The following RAP1GDS1 variants were observed in gnomAD, a reference collection of about 807,000 sequenced individuals.
RAP1GDS1 encodes RAP1, GTP-GDP dissociation stimulator 1.
RAP1GDS1 carries 35 observed loss-of-function variants against 71.1 expected under a neutral mutation model. The observed-to-expected ratio is 0.49, with a 90% CI of 0.38 to 0.65. The LOEUF (loss-of-function observed/expected upper bound fraction) is 0.65, where lower values mean the gene tolerates loss of function less well. Among genes scored for constraint, RAP1GDS1 ranks in the 30% least tolerant of loss-of-function variants. RAP1GDS1 has a pLI of 0.00. For missense variants in RAP1GDS1, 663 were observed against 706.1 expected (o/e 0.94, Z 0.69); for synonymous variants, 229 against 243.1 (o/e 0.94, Z 0.54).
Position 98,436,964 on chromosome 4 carries a change from G to T in RAP1GDS1, c.1592G>T (p.Ser531Ile). The change falls in exon 14 of 15, where the codon AGT becomes ATT. Residue 531 changes from serine (S) to isoleucine (I), a missense_variant. By Grantham distance (142) the Ser-to-Ile change is moderately radical (BLOSUM62 -2). Transcript: ENST00000408927. Reference sequence around the variant, plus strand: ...GGCACTGCTGAGAAAGATCTAGAAAGTGCTAAACTTGTACAGATTTTACAT... The same window carrying T: ...GGCACTGCTGAGAAAGATCTAGAAATTGCTAAACTTGTACAGATTTTACAT... ...ELGTAEKDLE[S>I]AKLVQILHRL... 1 of 1,609,048 alleles carries T rather than the reference G, an allele frequency of 6.2e-7. No homozygotes were observed. Among genetic ancestry groups the T allele is most frequent in the Non-Finnish European group, 8.5e-7 (1 of 1,178,746 alleles).
intron 1 of RAP1GDS1, among the ~76,000 whole-genome samples, chr4:98,284,124 C>T (rs1199242195): frequency 6.6e-6 from 1 of 152,094 alleles, no homozygotes; most frequent in African/African-American, 2.4e-5. Flanking sequence ...AATTAGCTTT[C>T]TCATCTATTA....
chr4:98,293,667 T>C, intron 2 of RAP1GDS1, 152 bp downstream of exon 2: 1 of 651,466 alleles, frequency 1.5e-6, no homozygotes, highest in Non-Finnish European at 2.6e-6. Context: ...GTTTTACATG[T>C]TCTACCCTCC....
intron 5 of RAP1GDS1, among the ~76,000 whole-genome samples, chr4:98,388,637 A>G (rs1743133249): frequency 1.3e-5 from 2 of 152,194 alleles, no homozygotes; most frequent in South Asian, 4.1e-4. Context: ...GAGGCAAGAG[A>G]AGTGCTTGAC....
Position 98,416,334 on chromosome 4 carries a change from G to GTTTTTTTTT in RAP1GDS1, c.764-389_764-381dup, listed in dbSNP as rs70955932. On this transcript the variant is annotated intron_variant, in intron 7 of 14. Transcript: ENST00000408927. ...ATTATCTAAATCATGCATTTTCTTAGTTTTTTTTTTTTTTTTTTTTTTTTT... is the reference window on the plus strand; with the variant it reads ...ATTATCTAAATCATGCATTTTCTTAGTTTTTTTTTTTTTTTTTTTTTTTTTTTTTTTTTT... 6.2e-4 allele frequency among the ~76,000 whole-genome samples: 32 copies of GTTTTTTTTT among 51,570 alleles called. 6 individuals carry two copies. The highest frequency in any genetic ancestry group is 9.5e-4 in the Non-Finnish European group (27 of 28,406). 33.8% of individuals were successfully genotyped at this position (51,570 alleles called of 152,430 possible). A position where few individuals can be genotyped will look rare whatever the true frequency, so the allele number is the denominator to read the frequency against.
intron 4 of RAP1GDS1, among the ~76,000 whole-genome samples, chr4:98,358,790 T>C (rs1277645530): frequency 6.6e-6 from 1 of 152,004 alleles, no homozygotes; most frequent in Non-Finnish European, 1.5e-5. Context: ...GGTCTGACAT[T>C]GTACCAATGT....
chr4:98,371,624 A>G (rs1177307663), intron 4 of RAP1GDS1, among the ~76,000 whole-genome samples: 1 of 151,808 alleles, frequency 6.6e-6, no homozygotes, highest in Non-Finnish European at 1.5e-5. Context: ...TTATAGACAC[A>G]CGCCACCATG....
intron 6 of RAP1GDS1, among the ~76,000 whole-genome samples, chr4:98,402,496 G>A (rs1366474046): frequency 6.6e-6 from 1 of 151,806 alleles, no homozygotes; most frequent in African/African-American, 2.4e-5. Context: ...CCCTTGGCAT[G>A]TGAAGTAAGA....
intron 4 of RAP1GDS1, among the ~76,000 whole-genome samples, chr4:98,370,161 A>G (rs983745095): frequency 2.0e-5 from 3 of 152,232 alleles, no homozygotes; most frequent in Middle Eastern, 3.2e-3. Flanking sequence ...GACCTAGTTC[A>G]ATGTATGAAA....
At chr4:98,439,502 T>G (rs1482783224) in intron 14 of RAP1GDS1, among the ~76,000 whole-genome samples, 1 of 152,164 alleles carries the variant, frequency 6.6e-6, no homozygotes, top group Non-Finnish European at 1.5e-5. Flanking sequence ...TCAGGTACTT[T>G]TCAGCCCCAT....
At chr4:98,384,199 A>G (rs1208344919) in intron 5 of RAP1GDS1, among the ~76,000 whole-genome samples, 7 of 151,430 alleles carry the variant, frequency 4.6e-5, no homozygotes, top group Non-Finnish European at 8.9e-5. Flanking sequence ...TCCTCTATTT[A>G]TGAAGACATG....
rs776460082 is a variant in RAP1GDS1, at chr4:98,261,553, C to G, written c.-13C>G. 18 of 1,601,352 alleles carry G rather than the reference C, an allele frequency of 1.1e-5. No individual in the cohort carries two copies. The highest frequency in any genetic ancestry group is 1.4e-5 in the Non-Finnish European group (17 of 1,172,984). On this transcript the variant is annotated 5_prime_UTR_variant, in exon 1 of 15. Coordinates refer to ENST00000408927, the MANE Select transcript of RAP1GDS1 (RefSeq NM_001100427.2). ...CGCCTCGCCCCGCCGGTTCCTCACCCTCGGGGAGCAACATGGGTAAGTCAT... is the reference window on the plus strand; with the variant it reads ...CGCCTCGCCCCGCCGGTTCCTCACCGTCGGGGAGCAACATGGGTAAGTCAT...
intron 6 of RAP1GDS1, among the ~76,000 whole-genome samples, chr4:98,400,287 A>G (rs897031131): frequency 6.6e-6 from 1 of 152,166 alleles, no homozygotes; most frequent in Admixed American, 6.6e-5. Flanking sequence ...ACTGTTCACA[A>G]TAGATATGGG....
At chr4:98,394,123 A>G (rs1355340995) in intron 6 of RAP1GDS1, among the ~76,000 whole-genome samples, 1 of 152,186 alleles carries the variant, frequency 6.6e-6, no homozygotes, top group Non-Finnish European at 1.5e-5. Flanking sequence ...GGAAATTACA[A>G]TAATCCTTGG....
chr4:98,416,607 C>G, intron 7 of RAP1GDS1, 138 bp from the exon 8 acceptor site: 1 of 684,006 alleles, frequency 1.5e-6, no homozygotes, highest in Non-Finnish European at 2.2e-6. Flanking sequence ...ATCTCGGCCT[C>G]CCAAAGTGCT....
At chr4:98,295,648 A>G (rs1019466157) in intron 2 of RAP1GDS1, among the ~76,000 whole-genome samples, 1 of 152,130 alleles carries the variant, frequency 6.6e-6, no homozygotes, top group Admixed American at 6.5e-5. Flanking sequence ...CTTGATTTAC[A>G]AAATAAAAAA....
intron 6 of RAP1GDS1, 50 bp downstream of exon 6, chr4:98,392,130 A>C (rs1743792994): frequency 6.6e-7 from 1 of 1,506,720 alleles, no homozygotes; most frequent in Admixed American, 2.0e-5. Context: ...TAATGTGCTT[A>C]CAATAAATTT....
rs551106188 is a variant in RAP1GDS1 at position 98,338,978 on chromosome 4, A to ATAT, written c.113-4161_113-4160insTAT. On this transcript the variant is annotated intron_variant, in intron 2 of 14. Coordinates refer to ENST00000408927, the MANE Select transcript of RAP1GDS1 (RefSeq NM_001100427.2). ...GGAACTTGAGCCTTTCTCAAGCTAT[A>ATAT]ACCTTAAATTATGAGTTCCCTCCCA... Among the ~76,000 whole-genome samples the ATAT allele has an allele frequency of 1.5e-3, 233 of 152,302 alleles. 1 individual carries two copies. Among genetic ancestry groups the ATAT allele is most frequent in the African/African-American group, 4.9e-3 (204 of 41,564 alleles).
chr4:98,423,644 A>G (rs796910049), intron 12 of RAP1GDS1, among the ~76,000 whole-genome samples: 3 of 152,080 alleles, frequency 2.0e-5, no homozygotes, highest in Admixed American at 6.5e-5. Context: ...TCCCGGGATC[A>G]AGTGATTCTC....
intron 7 of RAP1GDS1, among the ~76,000 whole-genome samples, chr4:98,415,948 A>G (rs538230840): frequency 1.1e-3 from 161 of 152,210 alleles, no homozygotes; most frequent in African/African-American, 3.8e-3. Context: ...ACAGGGTCTC[A>G]CTCTGTTGCC....
Sources: allele counts gnomAD v4.1 joint callset (sites outside exome capture counted in the v4.1 genomes callset), GRCh38; gene constraint gnomAD v4.1.1; transcripts MANE v1.5; gene names NCBI Gene and HGNC (gene_info 2026-07-23, HGNC 2026-07-21).